RBM34: variants seen among roughly 807,000 people sequenced by gnomAD.
RBM34 encodes RNA-binding protein 34.
RBM34 carries 39 observed loss-of-function variants against 44.6 expected under a neutral mutation model. That is an observed-to-expected ratio of 0.87 (90% CI 0.68 to 1.14). RBM34 has a LOEUF of 1.14. Ranked by LOEUF, RBM34 falls within the 50% of genes most tolerant of loss-of-function variation. The probability of loss-of-function intolerance (pLI) is 0.00; values close to 1 mark genes in which losing one functional copy is unlikely to be tolerated. For synonymous variants in RBM34, 194 were observed against 184.0 expected (o/e 1.05, Z -0.44); for missense variants, 572 against 517.9 (o/e 1.10, Z -1.01).
At chr1:235,153,676 T>G (rs1163454784) in intron 4 of RBM34, among the ~76,000 whole-genome samples, 1 of 152,160 alleles carries the variant, frequency 6.6e-6, no homozygotes, top group Non-Finnish European at 1.5e-5. Context: ...TCCGCCCGCC[T>G]TGGCCTTCCA....
At chr1:235,136,377 G>A (rs1661433811) in intron 8 of RBM34, among the ~76,000 whole-genome samples, 2 of 152,166 alleles carry the variant, frequency 1.3e-5, no homozygotes, top group Admixed American at 1.3e-4. Context: ...AAATATTATA[G>A]GCTTGGCAGG....
intron 10 of RBM34, among the ~76,000 whole-genome samples, chr1:235,134,747 T>G (rs907663457): frequency 1.4e-5 from 2 of 145,302 alleles, no homozygotes; most frequent in African/African-American, 5.3e-5. Flanking sequence ...GTTTTCGGGT[T>G]TTTTTTTTTT....
chr1:235,148,084 C>T (rs938827147), intron 6 of RBM34, among the ~76,000 whole-genome samples: 7 of 152,182 alleles, frequency 4.6e-5, no homozygotes. Context: ...TGGAAAAACA[C>T]AGGAAATATG....
In RBM34 at chr1:235,131,898, G is replaced by A; in HGVS notation, c.1108C>T (p.Gln370Ter). ...MRSVNKEKFK[Q>*]QNSNPRLKNV... ...TTCAATCGTGGATTTGAATTTTGTTGTTTAAATTTTTCTTTATTAACAGAA... is the reference window on the plus strand; with the variant it reads ...TTCAATCGTGGATTTGAATTTTGTTATTTAAATTTTTCTTTATTAACAGAA... The change falls in exon 11 of 11, where the codon CAA becomes TAA. Residue 370 changes from glutamine to a stop codon, truncating the protein, a stop_gained. Transcript: ENST00000408888. LOFTEE classifies it high-confidence loss of function. The A allele has an allele frequency of 6.2e-7, 1 of 1,613,948 alleles. No homozygotes were observed. The highest frequency in any genetic ancestry group is 8.5e-7 in the Non-Finnish European group (1 of 1,179,934).
intron 8 of RBM34, 30 bp downstream of exon 8, chr1:235,137,847 C>T (rs776898561): frequency 4.0e-6 from 6 of 1,516,678 alleles, no homozygotes; most frequent in East Asian, 2.3e-5. Context: ...ACAAAGCTCT[C>T]GTTCTTTAAA....
Position 235,155,129 on chromosome 1 carries a change from A to T in RBM34, c.366-17T>A. ...GCGCTTTCCCTTTTTAAGGCAAAAA[A>T]TAAAATAAGCAGTAAGAGTCATGCC... is the stretch of plus-strand genomic sequence containing the variant. On this transcript the variant is annotated splice_polypyrimidine_tract_variant and intron_variant, in intron 3 of 10. Coordinates refer to ENST00000408888, the MANE Select transcript of RBM34 (RefSeq NM_015014.4). The T allele has an allele frequency of 6.2e-7, 1 of 1,603,002 alleles. No homozygotes were observed.
chr1:235,151,988 G>A (rs895126562), intron 5 of RBM34, among the ~76,000 whole-genome samples: 12 of 151,802 alleles, frequency 7.9e-5, no homozygotes, highest in Admixed American at 2.0e-4. Flanking sequence ...AGCTGAGATC[G>A]CACCACTGCA....
rs537801075 is a variant in RBM34 at position 235,131,948 on chromosome 1, A to C, written c.1058T>G (p.Met353Arg). Residue 353 changes from methionine to arginine, a missense_variant, in exon 11 of 11, where the codon ATG becomes AGG. Transcript: ENST00000408888. ...LALKLNNSELMGRKLRVMRSV... is the reference protein window; with the variant it reads ...LALKLNNSELRGRKLRVMRSV... ...ACGCATGACTCTGAGTTTTCTCCCC[A>C]TGAGTTCAGAATTATTTAATTTCAG... 3 of 1,611,180 alleles carry C rather than the reference A, an allele frequency of 1.9e-6. No individual in the cohort carries two copies. Among genetic ancestry groups the C allele is most frequent in the Non-Finnish European group, 2.5e-6 (3 of 1,178,444 alleles).
rs1307015853 is a variant in RBM34, at chr1:235,155,816, CATATACATATATATATATAT to C, written c.366-724_366-705del. ...CACCATGTCCAGTCTTTTATACATACATATACATATATATATATATATATATATATATATATATATATATA... is the reference window on the plus strand; with the variant it reads ...CACCATGTCCAGTCTTTTATACATACATATATATATATATATATATATATA... On this transcript the variant is annotated intron_variant, in intron 3 of 10. Coordinates refer to ENST00000408888, the MANE Select transcript of RBM34 (RefSeq NM_015014.4). Among the ~76,000 whole-genome samples the C allele has an allele frequency of 5.7e-3, 411 of 72,736 alleles. 7 individuals carry two copies. The highest frequency in any genetic ancestry group is 0.025 in the African/African-American group (373 of 14,950). 47.7% of individuals were successfully genotyped at this position (72,736 alleles called of 152,430 possible).
chr1:235,152,754 C>G lies in RBM34; in HGVS notation c.609G>C (p.Ser203=), dbSNP rs770147107. 1.3e-6 allele frequency: 2 copies of G among 1,577,998 alleles called. No homozygotes were observed. Among genetic ancestry groups the G allele is most frequent in the East Asian group, 2.3e-5 (1 of 44,244 alleles). ...PVTCNKKKLK[S]FFKEYGQIES... is the part of the protein sequence containing the mutation. Reference sequence around the variant, plus strand: ...CTATTTGTCCATACTCTTTAAAAAACGACTTCAGCTTCTAAAATTAAAAAA... The same window carrying G: ...CTATTTGTCCATACTCTTTAAAAAAGGACTTCAGCTTCTAAAATTAAAAAA... Residue 203 remains serine (S), a synonymous_variant, in exon 5 of 11, where the codon TCG becomes TCC. Transcript: ENST00000408888.
intron 6 of RBM34, among the ~76,000 whole-genome samples, chr1:235,144,650 G>C (rs1201919835): frequency 6.6e-6 from 1 of 152,206 alleles, no homozygotes; most frequent in African/African-American, 2.4e-5. Context: ...GGGAGGCTGA[G>C]GCAGAATGAT....
At chr1:235,160,800 T>C in intron 2 of RBM34, 93 bp downstream of exon 2, 1 of 1,542,558 alleles carries the variant, frequency 6.5e-7, no homozygotes, top group African/African-American at 1.4e-5. Flanking sequence ...GTCTGCCCCC[T>C]TTAGAAATCA....
chr1:235,152,139 A>C (rs906356086), intron 5 of RBM34, among the ~76,000 whole-genome samples: 1 of 152,204 alleles, frequency 6.6e-6, no homozygotes, highest in Non-Finnish European at 1.5e-5. Context: ...ATGCCTATGC[A>C]GTTAAAAAAA....
intron 6 of RBM34, among the ~76,000 whole-genome samples, chr1:235,138,971 C>T (rs911968323): frequency 6.6e-6 from 1 of 152,212 alleles, no homozygotes; most frequent in Non-Finnish European, 1.5e-5. Flanking sequence ...AAGGATGGAT[C>T]AGACTCAGAC....
At chr1:235,146,263 T>C (rs1192326610) in intron 6 of RBM34, among the ~76,000 whole-genome samples, 2 of 152,114 alleles carry the variant, frequency 1.3e-5, no homozygotes, top group Non-Finnish European at 2.9e-5. Flanking sequence ...TTATTTGTAA[T>C]GGTCATGAGA....
chr1:235,151,884 T>C (rs1034393500), intron 5 of RBM34, among the ~76,000 whole-genome samples: 4 of 151,774 alleles, frequency 2.6e-5, no homozygotes, highest in African/African-American at 9.7e-5. Flanking sequence ...AATACAAAAA[T>C]TAGCCGGGCA....
In RBM34 at chr1:235,161,006, C is replaced by A. The variant is rs1322308950; in HGVS notation, c.115G>T (p.Ala39Ser). The stretch of plus-strand genomic sequence containing the variant: ...TGTTCGCCGCGAAATAAGCTACTGG[C>A]GACCTGTCCAAGCCTGTAGTCTTCC... Reference protein sequence around the residue: ...PPEDYRLGQVASSLFRGEHHS... With the variant: ...PPEDYRLGQVSSSLFRGEHHS... The change falls in exon 2 of 11, where the codon GCC becomes TCC. Residue 39 changes from alanine (A) to serine (S), a missense_variant. Ala to Ser is a moderately conservative substitution (Grantham distance 99). Coordinates refer to ENST00000408888, the MANE Select transcript of RBM34 (RefSeq NM_015014.4). 4.3e-6 allele frequency: 7 copies of A among 1,614,140 alleles called. No homozygotes were observed. The highest frequency in any genetic ancestry group is 3.3e-5 in the South Asian group (3 of 91,074).
chr1:235,159,847 CA>C (rs1037169087), intron 3 of RBM34, among the ~76,000 whole-genome samples: 1 of 121,096 alleles, frequency 8.3e-6, no homozygotes, highest in South Asian at 2.7e-4. Flanking sequence ...CCAGTCTGGA[CA>C]AAAAGAGCAA....
chr1:235,154,815 T>C, intron 4 of RBM34, 66 bp downstream of exon 4: 3 of 1,238,674 alleles, frequency 2.4e-6, no homozygotes, highest in Non-Finnish European at 3.5e-6. Flanking sequence ...TACTATTGAA[T>C]GCTTATTCAA....
Sources: allele counts gnomAD v4.1 joint callset (sites outside exome capture counted in the v4.1 genomes callset), GRCh38; gene constraint gnomAD v4.1.1; transcripts MANE v1.5; gene names NCBI Gene and HGNC (gene_info 2026-07-23, HGNC 2026-07-21).